PRLR: variants seen among roughly 807,000 people sequenced by gnomAD.
PRLR encodes prolactin receptor.
In PRLR, 13 loss-of-function variants were observed where a neutral mutation model predicts 40.2. That is an observed-to-expected ratio of 0.32 (90% CI 0.21 to 0.51). The LOEUF is 0.51. Among genes scored for constraint, PRLR ranks in the 20% least tolerant of loss-of-function variants. The pLI is 0.97. For synonymous variants in PRLR, 269 were observed against 278.7 expected (o/e 0.97, Z 0.35); for missense variants, 656 against 747.3 (o/e 0.88, Z 1.42).
chr5:35,187,078 CAG>C (rs1185242331), intron 1 of PRLR, among the ~76,000 whole-genome samples: 2 of 152,110 alleles, frequency 1.3e-5, no homozygotes, highest in Non-Finnish European at 2.9e-5. Flanking sequence ...GTCTCCTGAT[CAG>C]TAAAATGGGT....
At chr5:35,196,445 G>C (rs1775738838) in intron 1 of PRLR, among the ~76,000 whole-genome samples, 1 of 152,216 alleles carries the variant, frequency 6.6e-6, no homozygotes, top group Non-Finnish European at 1.5e-5. Context: ...GGTGTGTTTT[G>C]GGATCCATAA....
Position 35,090,791 on chromosome 5 carries a change from C to CTT in PRLR, c.-43-1130_-43-1129dup, listed in dbSNP as rs554800498. ...GGCACCCAGGTACCATCAATTAGCT[C>CTT]TTTTTTTTTTTTTTTTTTTTTTTTT... On this transcript the variant is annotated intron_variant, in intron 2 of 9. Transcript: ENST00000618457. 1.6e-3 allele frequency among the ~76,000 whole-genome samples: 93 copies of CTT among 59,150 alleles called. 22 individuals are homozygous for CTT. The highest frequency in any genetic ancestry group is 2.6e-3 in the Non-Finnish European group (69 of 26,096). 38.8% of individuals were successfully genotyped at this position (59,150 alleles called of 152,430 possible).
intron 1 of PRLR, among the ~76,000 whole-genome samples, chr5:35,185,295 ATT>A (rs1775397345): frequency 6.6e-6 from 1 of 152,200 alleles, no homozygotes; most frequent in Non-Finnish European, 1.5e-5. Flanking sequence ...ATTTAGAGTT[ATT>A]TTATACAAGG....
At position 35,058,232 on chromosome 5, in the gene PRLR, G is replaced by C. The variant is rs920367279; in HGVS notation, c.*6857C>G. ...TTGCTTGGCATTTTCTAGGGAAAGA[G>C]GAAAAGCAGAGGTAGTGGTAGCTTT... On this transcript the variant is annotated 3_prime_UTR_variant, in exon 10 of 10. Coordinates refer to ENST00000618457, the MANE Select transcript of PRLR (RefSeq NM_000949.7). The C allele has an allele frequency of 6.6e-6, 1 of 152,134 alleles. No homozygotes were observed. Among genetic ancestry groups the C allele is most frequent in the Non-Finnish European group, 1.5e-5 (1 of 68,026 alleles). 9.4% of individuals were successfully genotyped at this position (152,134 alleles called of 1,614,324 possible). A position where few individuals can be genotyped will look rare whatever the true frequency, so the allele number is the denominator to read the frequency against.
chr5:35,182,667 T>C (rs1057087026), intron 1 of PRLR, among the ~76,000 whole-genome samples: 2 of 152,186 alleles, frequency 1.3e-5, no homozygotes, highest in African/African-American at 4.8e-5. Context: ...ATTTAGATAA[T>C]TGAGCAGGTG....
intron 1 of PRLR, among the ~76,000 whole-genome samples, chr5:35,203,895 C>A (rs563634693): frequency 2.0e-5 from 3 of 152,058 alleles, no homozygotes; most frequent in Non-Finnish European, 4.4e-5. Context: ...TGTTTGGTAA[C>A]CTTGGTGTTG....
At chr5:35,138,313 C>A (rs1419074338) in intron 1 of PRLR, among the ~76,000 whole-genome samples, 3 of 152,214 alleles carry the variant, frequency 2.0e-5, no homozygotes. Context: ...CACTGCTGAA[C>A]TGTACACTTA....
At chr5:35,188,149 A>G (rs1775497851) in intron 1 of PRLR, among the ~76,000 whole-genome samples, 1 of 152,168 alleles carries the variant, frequency 6.6e-6, no homozygotes, top group Non-Finnish European at 1.5e-5. Flanking sequence ...CTAGGAAGAA[A>G]CTAGCCGTGC....
intron 5 of PRLR, among the ~76,000 whole-genome samples, chr5:35,076,085 G>A (rs998742000): frequency 4.6e-5 from 7 of 152,146 alleles, no homozygotes; most frequent in African/African-American, 1.7e-4. Flanking sequence ...CAAAGATGGG[G>A]AGAAACCAGA....
intron 1 of PRLR, among the ~76,000 whole-genome samples, chr5:35,194,873 C>A (rs1471331832): frequency 6.6e-6 from 1 of 152,086 alleles, no homozygotes; most frequent in African/African-American, 2.4e-5. Context: ...AACCATACGA[C>A]CCAAAAAGTA....
intron 1 of PRLR, among the ~76,000 whole-genome samples, chr5:35,136,370 G>A (rs1230077067): frequency 6.6e-6 from 1 of 152,192 alleles, no homozygotes; most frequent in African/African-American, 2.4e-5. Flanking sequence ...GGACATTTTG[G>A]ACTGGATAAT....
intron 1 of PRLR, among the ~76,000 whole-genome samples, chr5:35,142,927 T>A (rs575786182): frequency 6.6e-6 from 1 of 152,250 alleles, no homozygotes; most frequent in African/African-American, 2.4e-5. Context: ...ACCTACCACA[T>A]AGGACTGTTC....
At chr5:35,068,108 G>T (rs115137276) in intron 9 of PRLR, 108 bp downstream of exon 9, 8 of 1,027,452 alleles carry the variant, frequency 7.8e-6, no homozygotes, top group African/African-American at 1.6e-5. Flanking sequence ...GTCCAAAAAG[G>T]CTGGCTGAAA....
chr5:35,064,818 A>G lies in PRLR; in HGVS notation c.*271T>C. 2.5e-6 allele frequency: 1 copy of G among 402,528 alleles called. No individual in the cohort carries two copies. Among genetic ancestry groups the G allele is most frequent in the Non-Finnish European group, 4.4e-6 (1 of 226,130 alleles). 24.9% of individuals were successfully genotyped at this position (402,528 alleles called of 1,614,324 possible). A position where few individuals can be genotyped will look rare whatever the true frequency, so the allele number is the denominator to read the frequency against. ...GATATACCTATTGGCATTGTCCCTC[A>G]AGAATACTAAGCAGTGTGCTTTTAT... On this transcript the variant is annotated 3_prime_UTR_variant, in exon 10 of 10. Coordinates refer to ENST00000618457, the MANE Select transcript of PRLR (RefSeq NM_000949.7).
At chr5:35,222,043 G>C (rs1241455244) in intron 1 of PRLR, among the ~76,000 whole-genome samples, 2 of 152,210 alleles carry the variant, frequency 1.3e-5, no homozygotes, top group Non-Finnish European at 2.9e-5. Flanking sequence ...AATGGCTCAT[G>C]CCTGTAATCC....
intron 6 of PRLR, among the ~76,000 whole-genome samples, chr5:35,071,500 T>A (rs1009116559): frequency 3.9e-5 from 6 of 152,258 alleles, no homozygotes; most frequent in African/African-American, 1.2e-4. Flanking sequence ...TGTGCCTTTT[T>A]AAAAGAGGCA....
chr5:35,085,529 T>C (rs1171102797), intron 4 of PRLR, among the ~76,000 whole-genome samples: 2 of 152,184 alleles, frequency 1.3e-5, no homozygotes, highest in East Asian at 1.9e-4. Flanking sequence ...CAATATGTCT[T>C]CTAGGAGATG....
At chr5:35,147,551 T>G (rs1325861550) in intron 1 of PRLR, among the ~76,000 whole-genome samples, 1 of 152,212 alleles carries the variant, frequency 6.6e-6, no homozygotes, top group African/African-American at 2.4e-5. Flanking sequence ...GGACTCATGA[T>G]AGCTAAAAGC....
chr5:35,133,916 T>C (rs1272386468), intron 1 of PRLR, among the ~76,000 whole-genome samples: 2 of 152,108 alleles, frequency 1.3e-5, no homozygotes, highest in African/African-American at 4.8e-5. Context: ...ACCATGTTTA[T>C]TAAAAAATGA....
Sources: gnomAD v4.1 joint callset for allele counts (sites outside exome capture counted in the v4.1 genomes callset) on GRCh38, gnomAD v4.1.1 for gene constraint, MANE v1.5 for transcripts, NCBI Gene and HGNC (gene_info 2026-07-23, HGNC 2026-07-21) for gene names.